THSD7B: variants seen among roughly 807,000 people sequenced by gnomAD.
THSD7B encodes the protein thrombospondin type 1 domain containing 7B, also known as thrombospondin type-1 domain-containing protein 7B.
THSD7B carries 138 observed loss-of-function variants against 213.6 expected under a neutral mutation model. That is an observed-to-expected ratio of 0.65 (90% CI 0.56 to 0.74). THSD7B has a LOEUF of 0.74. Ranked by LOEUF, THSD7B falls within the 30% of genes least tolerant of loss-of-function variation. THSD7B has a pLI of 0.00. For synonymous variants in THSD7B, 742 were observed against 687.0 expected (o/e 1.08, Z -1.25); for missense variants, 1,931 against 1,991.5 (o/e 0.97, Z 0.58).
intron 12 of THSD7B, among the ~76,000 whole-genome samples, chr2:137,386,801 A>G (rs995115174): frequency 1.2e-4 from 18 of 152,232 alleles, no homozygotes; most frequent in African/African-American, 4.3e-4. Flanking sequence ...CCAGCCATTT[A>G]GTAATAGTTA....
chr2:137,085,143 A>C (rs1421958540), intron 3 of THSD7B, among the ~76,000 whole-genome samples: 1 of 152,198 alleles, frequency 6.6e-6, no homozygotes, highest in African/African-American at 2.4e-5. Flanking sequence ...AGAAAAAGGC[A>C]AGCTAAAAAG....
intron 1 of THSD7B, among the ~76,000 whole-genome samples, chr2:136,858,506 T>A (rs1262295338): frequency 6.6e-6 from 1 of 152,232 alleles, no homozygotes; most frequent in Non-Finnish European, 1.5e-5. Flanking sequence ...AGGTAATACA[T>A]CAAAAATGTC....
intron 1 of THSD7B, among the ~76,000 whole-genome samples, chr2:136,880,623 A>G (rs991643893): frequency 7.2e-5 from 11 of 152,056 alleles, no homozygotes; most frequent in African/African-American, 2.7e-4. Context: ...CAGTTCAGGC[A>G]TCTAAGTTTG....
At position 137,487,184 on chromosome 2, in the gene THSD7B, A is replaced by G. The variant is rs1443425509; in HGVS notation, c.3138+36161A>G. Among the ~76,000 whole-genome samples the G allele has an allele frequency of 5.5e-4, 81 of 148,372 alleles. No homozygotes were observed. In the South Asian group the frequency reaches 0.017, roughly 31 times the overall value. Reference sequence around the variant, plus strand: ...GAGATTGAGACCATCCTGGCTAACAAGGTGAAACCCCGTCTCTACTAAAAA... The same window carrying G: ...GAGATTGAGACCATCCTGGCTAACAGGGTGAAACCCCGTCTCTACTAAAAA... On this transcript the variant is annotated intron_variant, in intron 15 of 27. Transcript: ENST00000409968.
chr2:137,015,828 C>G (rs1178862292), intron 2 of THSD7B, among the ~76,000 whole-genome samples: 3 of 152,174 alleles, frequency 2.0e-5, no homozygotes, highest in African/African-American at 7.2e-5. Flanking sequence ...CAGAAGTGGA[C>G]TTTGATGTCT....
chr2:137,104,840 C>T (rs780325097), intron 4 of THSD7B, among the ~76,000 whole-genome samples: 1 of 152,138 alleles, frequency 6.6e-6, no homozygotes, highest in African/African-American at 2.4e-5. Context: ...CACTTACACC[C>T]TCCCAAGACT....
chr2:136,886,217 T>A (rs561809571), intron 2 of THSD7B, among the ~76,000 whole-genome samples: 1 of 152,282 alleles, frequency 6.6e-6, no homozygotes, highest in Admixed American at 6.5e-5. Flanking sequence ...TGTCTTTTAC[T>A]CTATGTGAGA....
At chr2:137,033,445 T>A (rs759756349) in intron 2 of THSD7B, among the ~76,000 whole-genome samples, 38 of 152,106 alleles carry the variant, frequency 2.5e-4, no homozygotes, top group Non-Finnish European at 2.9e-4. Context: ...TTCCATCACA[T>A]CTTTTGGCCA....
At chr2:137,354,379 A>G (rs1436621897) in intron 12 of THSD7B, among the ~76,000 whole-genome samples, 1 of 152,098 alleles carries the variant, frequency 6.6e-6, no homozygotes, top group African/African-American at 2.4e-5. Flanking sequence ...AGGAAAGAAA[A>G]CTTATGAAAT....
At chr2:137,255,717 T>C (rs149658023) in intron 10 of THSD7B, among the ~76,000 whole-genome samples, 212 of 152,298 alleles carry the variant, frequency 1.4e-3, no homozygotes, top group African/African-American at 4.6e-3. Flanking sequence ...TCTAAAACTT[T>C]TCACTTTTTT....
intron 12 of THSD7B, among the ~76,000 whole-genome samples, chr2:137,394,663 A>T: frequency 7.2e-6 from 1 of 138,536 alleles, no homozygotes; most frequent in Admixed American, 7.1e-5. Context: ...TTGGTTCCAT[A>T]TGAACTTTAA....
chr2:136,798,540 CT>C (rs1682112762), intron 1 of THSD7B, among the ~76,000 whole-genome samples: 1 of 151,962 alleles, frequency 6.6e-6, no homozygotes, highest in Non-Finnish European at 1.5e-5. Flanking sequence ...GTTAGTACCC[CT>C]ATCTGCTTCC....
intron 1 of THSD7B, among the ~76,000 whole-genome samples, chr2:136,810,861 G>A (rs1396336894): frequency 6.6e-6 from 1 of 152,176 alleles, no homozygotes; most frequent in Admixed American, 6.5e-5. Flanking sequence ...TGGGCCAGTG[G>A]TGCTCCTGGC....
intron 12 of THSD7B, among the ~76,000 whole-genome samples, chr2:137,402,815 C>CA (rs34623127): frequency 0.093 from 7,668 of 82,262 alleles, 331 homozygotes; most frequent in Admixed American, 0.13. Flanking sequence ...AACTCCATCT[C>CA]AAAAAAAAAA....
At chr2:137,505,515 C>T (rs1023476279) in intron 15 of THSD7B, among the ~76,000 whole-genome samples, 2 of 152,212 alleles carry the variant, frequency 1.3e-5, no homozygotes, top group African/African-American at 2.4e-5. Context: ...TTTGTACCAG[C>T]CCAACTCATA....
intron 10 of THSD7B, among the ~76,000 whole-genome samples, chr2:137,251,400 C>G (rs1007391726): frequency 2.6e-5 from 4 of 152,110 alleles, no homozygotes; most frequent in Admixed American, 6.5e-5. Context: ...TGTCTATTAT[C>G]TGTAATGAAG....
intron 5 of THSD7B, among the ~76,000 whole-genome samples, chr2:137,126,797 G>C (rs1304461832): frequency 6.6e-6 from 1 of 152,146 alleles, no homozygotes; most frequent in East Asian, 1.9e-4. Flanking sequence ...TTTAAAGTGA[G>C]AGATATATGA....
chr2:137,674,923 A>C (rs1490489871), intron 27 of THSD7B, among the ~76,000 whole-genome samples: 1 of 152,214 alleles, frequency 6.6e-6, no homozygotes, highest in Non-Finnish European at 1.5e-5. Context: ...TTCAAACATC[A>C]ATCAAAAAAA....
intron 10 of THSD7B, among the ~76,000 whole-genome samples, chr2:137,246,350 A>G (rs1381622206): frequency 6.6e-6 from 1 of 152,172 alleles, no homozygotes; most frequent in African/African-American, 2.4e-5. Context: ...ATCCTACTCT[A>G]ATACATTCTG....
Sources: gnomAD v4.1 joint callset for allele counts (sites outside exome capture counted in the v4.1 genomes callset) on GRCh38, gnomAD v4.1.1 for gene constraint, MANE v1.5 for transcripts, NCBI Gene and HGNC (gene_info 2026-07-23, HGNC 2026-07-21) for gene names.